ITGA1: variants seen among roughly 807,000 people sequenced by gnomAD.
ITGA1 encodes integrin subunit alpha 1, also known as integrin alpha-1.
Under a neutral mutation model 145.9 loss-of-function variants are expected in ITGA1, and 85 were observed. The observed-to-expected ratio is 0.58, with a 90% CI of 0.49 to 0.70. The LOEUF is 0.70. ITGA1 is among the 30% of genes least tolerant of loss of function. The pLI is 0.00. For missense variants in ITGA1, 1,351 were observed against 1,418.7 expected, an observed-to-expected ratio of 0.95 and a Z score of 0.77; for synonymous variants, 520 against 495.3, an observed-to-expected ratio of 1.05 and a Z score of -0.66.
At chr5:52,934,297 A>G (rs1041445478) in intron 23 of ITGA1, among the ~76,000 whole-genome samples, 6 of 151,688 alleles carry the variant, frequency 4.0e-5, no homozygotes, top group South Asian at 4.1e-4. Context: ...ATGACTTTCT[A>G]GAAAAAAAAA....
chr5:52,929,483 T>A, intron 20 of ITGA1, 142 bp from the exon 21 acceptor site: 1 of 606,970 alleles, frequency 1.6e-6, no homozygotes. Context: ...TATTTTGAGA[T>A]ACAATAAGGT....
rs1271387578 is a variant in ITGA1 at position 52,864,755 on chromosome 5, A to G, written c.296-8A>G. The G allele has an allele frequency of 6.3e-7, 1 of 1,585,342 alleles. No homozygotes were observed. ...TTCCTCCCTCATAAAATTTTGTTCT[A>G]TTTTTAGTTAATACATCAATTCCCA... is the stretch of plus-strand genomic sequence containing the variant. On this transcript the variant is annotated splice_region_variant and splice_polypyrimidine_tract_variant and intron_variant, in intron 3 of 28. Transcript: ENST00000282588.
intron 3 of ITGA1, chr5:52,864,128 T>G (rs1259283110): frequency 1.3e-5 from 2 of 152,240 alleles, no homozygotes; most frequent in Non-Finnish European, 1.5e-5. Flanking sequence ...TCTTTTTTAG[T>G]GTGAGAAAGT....
At position 52,898,398 on chromosome 5, in the gene ITGA1, T is replaced by C; in HGVS notation, c.1309+15T>C. On this transcript the variant is annotated intron_variant, in intron 11 of 28. Transcript: ENST00000282588. The stretch of plus-strand genomic sequence containing the variant: ...TTCTTATTTAGGTAAGGTTTGGATA[T>C]AATTATAAAAGAGTTGTTTTACTTT... 1 of 1,572,732 alleles carries C rather than the reference T, an allele frequency of 6.4e-7. No homozygotes were observed. The highest frequency in any genetic ancestry group is 1.2e-5 in the South Asian group (1 of 84,638).
At position 52,865,762 on chromosome 5, in the gene ITGA1, C is replaced by T; in HGVS notation, c.569C>T (p.Thr190Ile). ...AGTATTTACCCATGGGACAGTGTTACAGCTTTTTTAAATGACCTTCTTGAA... is the reference window on the plus strand; with the variant it reads ...AGTATTTACCCATGGGACAGTGTTATAGCTTTTTTAAATGACCTTCTTGAA... ...SNSIYPWDSV[T>I]AFLNDLLERM... Residue 190 changes from threonine (T) to isoleucine (I), a missense_variant, in exon 6 of 29, where the codon ACA becomes ATA. Transcript: ENST00000282588. 1 of 1,605,166 alleles carries T rather than the reference C, an allele frequency of 6.2e-7. No individual in the cohort carries two copies. Among genetic ancestry groups the T allele is most frequent in the South Asian group, 1.1e-5 (1 of 89,976 alleles).
At chr5:52,934,609 C>G (rs1005620931) in intron 23 of ITGA1, among the ~76,000 whole-genome samples, 1 of 151,374 alleles carries the variant, frequency 6.6e-6, no homozygotes, top group African/African-American at 2.4e-5. Flanking sequence ...CTCTATACCA[C>G]TATAGCAAAC....
intron 8 of ITGA1, among the ~76,000 whole-genome samples, chr5:52,889,024 C>T (rs1750100213): frequency 1.3e-5 from 2 of 152,228 alleles, no homozygotes; most frequent in Non-Finnish European, 2.9e-5. Flanking sequence ...TCAAAAGCCA[C>T]TGCACTGCCT....
At chr5:52,935,655 G>A (rs1010710105) in intron 23 of ITGA1, among the ~76,000 whole-genome samples, 1 of 152,152 alleles carries the variant, frequency 6.6e-6, no homozygotes, top group African/African-American at 2.4e-5. Flanking sequence ...AGCACAGCAT[G>A]TGGCACATAG....
intron 1 of ITGA1, among the ~76,000 whole-genome samples, chr5:52,799,083 C>A (rs917640400): frequency 2.0e-5 from 3 of 152,148 alleles, no homozygotes; most frequent in Non-Finnish European, 4.4e-5. Context: ...CCTTTCCAAT[C>A]CACACAGAGA....
chr5:52,848,669 C>T (rs898298372), intron 1 of ITGA1, among the ~76,000 whole-genome samples: 5 of 151,862 alleles, frequency 3.3e-5, no homozygotes, highest in East Asian at 1.9e-4. Context: ...TGTTGGTGTG[C>T]GGCACCCATT....
At chr5:52,829,939 T>C (rs1389017275) in intron 1 of ITGA1, among the ~76,000 whole-genome samples, 4 of 152,320 alleles carry the variant, frequency 2.6e-5, no homozygotes, top group Admixed American at 6.5e-5. Context: ...ATGCTTACTA[T>C]TGAGCCTCAG....
intron 1 of ITGA1, among the ~76,000 whole-genome samples, chr5:52,843,751 T>C (rs911814372): frequency 2.0e-5 from 3 of 152,174 alleles, no homozygotes; most frequent in Admixed American, 6.6e-5. Flanking sequence ...AATAGCACCC[T>C]AGTTACAGAA....
intron 5 of ITGA1, among the ~76,000 whole-genome samples, chr5:52,865,417 A>G (rs549830380): frequency 6.6e-6 from 1 of 152,260 alleles, no homozygotes; most frequent in Non-Finnish European, 1.5e-5. Context: ...TATAAAATTC[A>G]TATTGAGAAA....
Position 52,929,645 on chromosome 5 carries a change from T to A in ITGA1, c.2715T>A (p.Phe905Leu). Residue 905 changes from phenylalanine to leucine, a missense_variant, in exon 21 of 29, where the codon TTT becomes TTA. Transcript: ENST00000282588. ...RGEMVTFKIL[F>L]QFNTSYLMEN... ...TATAGGTAACTTTCAAAATATTGTT[T>A]CAGTTTAACACATCCTATCTCATGG... 6.3e-7 allele frequency: 1 copy of A among 1,580,228 alleles called. No individual in the cohort carries two copies. Among genetic ancestry groups the A allele is most frequent in the Non-Finnish European group, 8.7e-7 (1 of 1,154,134 alleles).
intron 1 of ITGA1, among the ~76,000 whole-genome samples, chr5:52,844,941 A>G (rs1006995583): frequency 1.4e-4 from 22 of 152,316 alleles, no homozygotes; most frequent in South Asian, 4.1e-4. Context: ...CCTTTAAATC[A>G]AAAGAACTGG....
intron 6 of ITGA1, chr5:52,867,174 T>C (rs1309005396): frequency 6.6e-6 from 1 of 152,186 alleles, no homozygotes; most frequent in Non-Finnish European, 1.5e-5. Flanking sequence ...TGTCTGTGTA[T>C]ATTTATGTCT....
chr5:52,911,940 A>C (rs1279565543), intron 14 of ITGA1, among the ~76,000 whole-genome samples: 1 of 100,098 alleles, frequency 1.0e-5, no homozygotes, highest in Non-Finnish European at 1.9e-5. Context: ...TATCTACTAT[A>C]TATACTATAT....
chr5:52,898,608 G>A (rs948161404), intron 11 of ITGA1, among the ~76,000 whole-genome samples: 12 of 152,040 alleles, frequency 7.9e-5, no homozygotes, highest in African/African-American at 2.7e-4. Context: ...GTCTAATGCA[G>A]GGAATGGTTT....
In ITGA1 at chr5:52,955,969, T is replaced by C. The variant is rs1301558803; in HGVS notation, c.*3518T>C. The stretch of plus-strand genomic sequence containing the variant: ...TATATATATATATATACACATACAC[T>C]CACATGCAGATATTTACATATATAG... On this transcript the variant is annotated 3_prime_UTR_variant, in exon 29 of 29. Coordinates refer to ENST00000282588, the MANE Select transcript of ITGA1 (RefSeq NM_181501.2). 2 of 151,332 alleles carry C rather than the reference T, an allele frequency of 1.3e-5. No homozygotes were observed. Among genetic ancestry groups the C allele is most frequent in the Non-Finnish European group, 2.9e-5 (2 of 67,916 alleles). The allele number at this position is 151,332 out of a possible 1,614,324, so 9.4% of individuals were successfully genotyped here.
Sources: allele counts gnomAD v4.1 joint callset (sites outside exome capture counted in the v4.1 genomes callset), GRCh38; gene constraint gnomAD v4.1.1; transcripts MANE v1.5; gene names NCBI Gene and HGNC (gene_info 2026-07-23, HGNC 2026-07-21).